Variants in ADGRV1 observed in about 807,000 individuals in gnomAD.
The protein encoded by ADGRV1 is adhesion G protein-coupled receptor V1.
ADGRV1 carries 359 observed loss-of-function variants against 596.2 expected under a neutral mutation model. The ratio of observed to expected loss-of-function variants is 0.60; its 90% CI spans 0.55 to 0.66. The LOEUF is 0.66. Ranked by LOEUF, ADGRV1 falls within the 30% of genes least tolerant of loss-of-function variation. The pLI, the probability that ADGRV1 is intolerant of heterozygous loss-of-function variation, is 0.00. For synonymous variants in ADGRV1, 2,681 were observed against 2,679.2 expected, an observed-to-expected ratio of 1.00 and a Z score of -0.02; for missense variants, 7,274 against 7,575.6, an observed-to-expected ratio of 0.96 and a Z score of 1.48.
At chr5:90,733,313 G>T (rs1413642877) in intron 50 of ADGRV1, among the ~76,000 whole-genome samples, 1 of 152,144 alleles carries the variant, frequency 6.6e-6, no homozygotes, top group Admixed American at 6.6e-5. Flanking sequence ...CTTGTTTATA[G>T]GTGTCTTTAG....
chr5:90,668,788 AT>A (rs538875737), intron 21 of ADGRV1, among the ~76,000 whole-genome samples: 10 of 152,278 alleles, frequency 6.6e-5, no homozygotes, highest in Non-Finnish European at 1.5e-4. Context: ...ATGAATAGTG[AT>A]TTTTTTAAAC....
intron 85 of ADGRV1, among the ~76,000 whole-genome samples, chr5:91,043,512 T>C (rs1785539879): frequency 6.6e-6 from 1 of 152,136 alleles, no homozygotes; most frequent in Non-Finnish European, 1.5e-5. Flanking sequence ...GCCAGACCAA[T>C]GCTTGGGTTC....
chr5:90,595,090 C>T (rs1209844872), intron 1 of ADGRV1, among the ~76,000 whole-genome samples: 18 of 137,438 alleles, frequency 1.3e-4, no homozygotes, highest in South Asian at 2.3e-4. Context: ...ACCTCCCGGA[C>T]GGGGCAGCTG....
rs759818403 is a variant in ADGRV1, at chr5:90,720,183, G to T, written c.9583G>T (p.Ala3195Ser). Residue 3195 changes from alanine (A) to serine (S), a missense_variant, in exon 44 of 90, where the codon GCC (alanine) becomes TCC (serine). Ala to Ser is a moderately conservative substitution (Grantham distance 99). This residue lies in a region of ADGRV1 where 3,643 missense variants were observed against 3,809.2 expected (regional missense o/e 0.96). Transcript: ENST00000405460. ...CCTGATAACAGTTTTGCAAAACCAG[G>T]CCCCTTTGGGGCTATTCAGTATCTC... ...QTLITVLQNQ[A>S]PLGLFSISAV... 16 of 1,606,920 alleles carry T rather than the reference G, an allele frequency of 1.0e-5. No homozygotes were observed. The highest frequency in any genetic ancestry group is 1.1e-5 in the Non-Finnish European group (13 of 1,176,688).
At position 90,840,664 on chromosome 5, in the gene ADGRV1, G is replaced by C; in HGVS notation, c.16698G>C (p.Leu5566Phe). 2 of 1,613,912 alleles carry C rather than the reference G, an allele frequency of 1.2e-6. No individual in the cohort carries two copies. The highest frequency in any genetic ancestry group is 1.7e-6 in the Non-Finnish European group (2 of 1,179,820). The stretch of plus-strand genomic sequence containing the variant: ...ATTTTGTGATAACTGAAGGCACATT[G>C]GTCTTTGAACCTGGCCAGAGAAGCA... ...GKDFVITEGTLVFEPGQRSTV... is the reference protein window; with the variant it reads ...GKDFVITEGTFVFEPGQRSTV... The change falls in exon 78 of 90, where the codon TTG becomes TTC. Residue 5566 changes from leucine to phenylalanine, a missense_variant. This residue lies in a region of ADGRV1 where 1,874 missense variants were observed against 1,970.2 expected (regional missense o/e 0.95). Coordinates refer to ENST00000405460, the MANE Select transcript of ADGRV1 (RefSeq NM_032119.4).
At chr5:90,873,050 C>T (rs1768858573) in intron 83 of ADGRV1, among the ~76,000 whole-genome samples, 1 of 152,222 alleles carries the variant, frequency 6.6e-6, no homozygotes, top group Non-Finnish European at 1.5e-5. Context: ...TATCTGCTTG[C>T]TGTACAGCAG....
intron 83 of ADGRV1, among the ~76,000 whole-genome samples, chr5:90,923,124 T>A (rs1256763865): frequency 6.6e-6 from 1 of 152,238 alleles, no homozygotes; most frequent in Non-Finnish European, 1.5e-5. Flanking sequence ...CTAAACCATA[T>A]CCTTTGAAAC....
At chr5:91,078,408 G>A (rs540231571) in intron 86 of ADGRV1, among the ~76,000 whole-genome samples, 1 of 152,148 alleles carries the variant, frequency 6.6e-6, no homozygotes, top group Non-Finnish European at 1.5e-5. Context: ...AAAGATGGCT[G>A]CCATCAGTTA....
chr5:90,665,990 A>AT (rs1205305390), intron 21 of ADGRV1, among the ~76,000 whole-genome samples: 2 of 150,676 alleles, frequency 1.3e-5, no homozygotes, highest in Non-Finnish European at 3.0e-5. Context: ...AGTTTGTTAT[A>AT]ATCTCTGTTC....
At chr5:90,857,663 C>T (rs1185550949) in intron 82 of ADGRV1, among the ~76,000 whole-genome samples, 4 of 152,130 alleles carry the variant, frequency 2.6e-5, no homozygotes, top group African/African-American at 7.2e-5. Context: ...TATGTAATTG[C>T]ATGTTCTGTC....
At chr5:90,806,832 T>G (rs981846242) in intron 72 of ADGRV1, among the ~76,000 whole-genome samples, 1 of 151,938 alleles carries the variant, frequency 6.6e-6, no homozygotes, top group Non-Finnish European at 1.5e-5. Context: ...ACTCACTGAC[T>G]AGATTTATTT....
intron 1 of ADGRV1, among the ~76,000 whole-genome samples, chr5:90,587,578 A>T (rs154561): frequency 0.16 from 21,942 of 136,326 alleles, 1,937 homozygotes; most frequent in East Asian, 0.42. Flanking sequence ...TTTTTTTTAA[A>T]TGGAGTCTTG....
chr5:90,960,005 G>T (rs887324004), intron 83 of ADGRV1, among the ~76,000 whole-genome samples: 2 of 152,048 alleles, frequency 1.3e-5, no homozygotes, highest in African/African-American at 2.4e-5. Context: ...TGGGCATGGT[G>T]GCGGGCACCT....
At chr5:90,877,962 T>C (rs1769377363) in intron 83 of ADGRV1, among the ~76,000 whole-genome samples, 2 of 152,192 alleles carry the variant, frequency 1.3e-5, no homozygotes, top group Non-Finnish European at 2.9e-5. Flanking sequence ...TTCTGTGATA[T>C]TACCCTTTGT....
intron 83 of ADGRV1, among the ~76,000 whole-genome samples, chr5:90,930,293 C>A (rs1003634363): frequency 6.6e-6 from 1 of 152,108 alleles, no homozygotes; most frequent in African/African-American, 2.4e-5. Context: ...AATACGTTGC[C>A]AGAGGCATAT....
chr5:90,785,148 A>G (rs1451211512), intron 67 of ADGRV1, among the ~76,000 whole-genome samples: 2 of 152,176 alleles, frequency 1.3e-5, no homozygotes, highest in East Asian at 3.9e-4. Context: ...AAAACAAGCA[A>G]TGGGGAAAGG....
intron 78 of ADGRV1, among the ~76,000 whole-genome samples, chr5:90,846,756 G>T (rs113451373): frequency 3.9e-5 from 6 of 152,204 alleles, no homozygotes; most frequent in African/African-American, 1.2e-4. Context: ...AAGGGGACCC[G>T]AGCAGGTTGC....
intron 70 of ADGRV1, among the ~76,000 whole-genome samples, chr5:90,802,226 G>A (rs919555477): frequency 6.6e-6 from 1 of 151,830 alleles, no homozygotes; most frequent in African/African-American, 2.4e-5. Flanking sequence ...CTTTTTTGGG[G>A]GAGAAGGGGA....
intron 34 of ADGRV1, among the ~76,000 whole-genome samples, chr5:90,700,266 C>G (rs918489197): frequency 6.6e-6 from 1 of 152,084 alleles, no homozygotes; most frequent in African/African-American, 2.4e-5. Context: ...ACAGTGTTAA[C>G]GTTGCTTTTA....
Sources: allele counts gnomAD v4.1 joint callset (sites outside exome capture counted in the v4.1 genomes callset), GRCh38; gene constraint gnomAD v4.1.1; regional missense constraint gnomAD v4.1.1; transcripts MANE v1.5; gene names NCBI Gene and HGNC (gene_info 2026-07-23, HGNC 2026-07-21).